Variants in KIF4A observed in about 807,000 individuals in gnomAD.
The protein encoded by KIF4A is kinesin family member 4A.
A neutral mutation model predicts 105.9 loss-of-function variants in KIF4A; 7 were observed. The observed-to-expected ratio is 0.07, with a 90% CI of 0.04 to 0.12. KIF4A has a LOEUF of 0.12. Ranked by LOEUF, KIF4A falls within the 10% of genes least tolerant of loss-of-function variation. The pLI is 1.00. For synonymous variants in KIF4A, 281 were observed against 331.3 expected, an observed-to-expected ratio of 0.85 and a Z score of 1.65; for missense variants, 558 against 929.2, an observed-to-expected ratio of 0.60 and a Z score of 5.19.
intron 29 of KIF4A, 111 bp downstream of exon 29, chrX:70,418,115 A>C: frequency 1.8e-6 from 1 of 549,608 alleles, no homozygotes; most frequent in Non-Finnish European, 3.0e-6. Flanking sequence ...AGCTCTTCCA[A>C]CCCTTCTCCT....
intron 20 of KIF4A, among the ~76,000 whole-genome samples, chrX:70,391,394 C>G (rs2086236953): frequency 9.0e-6 from 1 of 111,704 alleles, no homozygotes; most frequent in African/African-American, 3.3e-5. Context: ...TGCCCTATTG[C>G]ATTGGTGAGA....
chrX:70,410,987 TAGG>T (rs1464911126), intron 28 of KIF4A, among the ~76,000 whole-genome samples: 1 of 112,843 alleles, frequency 8.9e-6, no homozygotes, highest in Non-Finnish European at 1.9e-5. Context: ...TCTGAAAAGT[TAGG>T]AGGAATATAT....
At chrX:70,370,126 C>T (rs181172313) in intron 15 of KIF4A, among the ~76,000 whole-genome samples, 2 of 111,368 alleles carry the variant, frequency 1.8e-5, no homozygotes, top group Admixed American at 1.9e-4. Context: ...GTAGGCTATA[C>T]TATATAGATT....
intron 15 of KIF4A, among the ~76,000 whole-genome samples, chrX:70,372,040 A>G (rs1241920033): frequency 9.5e-6 from 1 of 105,603 alleles, no homozygotes; most frequent in Admixed American, 1.0e-4. Flanking sequence ...CACATCTCAG[A>G]CGATGGGCGG....
chrX:70,323,529 G>T (rs1264042553), intron 7 of KIF4A, among the ~76,000 whole-genome samples: 1 of 111,310 alleles, frequency 9.0e-6, no homozygotes, highest in Non-Finnish European at 1.9e-5. Context: ...TGAAACCTCT[G>T]CTCTTGGTCA....
chrX:70,330,404 G>C, intron 9 of KIF4A, 72 bp downstream of exon 9: 1 of 982,738 alleles, frequency 1.0e-6, no homozygotes. Context: ...TCTGTTTTCA[G>C]TTTCTTCTTT....
intron 29 of KIF4A, 55 bp downstream of exon 29, chrX:70,418,059 A>G (rs2086351665): frequency 9.8e-7 from 1 of 1,020,991 alleles, no homozygotes; most frequent in Non-Finnish European, 1.3e-6. Context: ...TCTAGTTTCC[A>G]CCCTCTTTTT....
chrX:70,372,526 G>A (rs750404139), intron 15 of KIF4A, among the ~76,000 whole-genome samples: 12 of 114,339 alleles, frequency 1.0e-4, no homozygotes, highest in African/African-American at 1.6e-4. Context: ...GCCTGCAATC[G>A]CAGGCACTAG....
At chrX:70,336,117 C>A (rs1366884377) in intron 10 of KIF4A, among the ~76,000 whole-genome samples, 1 of 111,296 alleles carries the variant, frequency 9.0e-6, no homozygotes, top group Non-Finnish European at 1.9e-5. Flanking sequence ...TGATTGTATA[C>A]TCTTTGTAGC....
intron 18 of KIF4A, among the ~76,000 whole-genome samples, chrX:70,377,793 G>A (rs756120092): frequency 6.3e-5 from 7 of 111,924 alleles, no homozygotes; most frequent in African/African-American, 1.3e-4. Context: ...AAAATTAGCC[G>A]GGCATGGTGG....
chrX:70,308,085 T>G (rs2085834458), intron 7 of KIF4A, among the ~76,000 whole-genome samples: 1 of 112,106 alleles, frequency 8.9e-6, no homozygotes, highest in East Asian at 2.8e-4. Context: ...TTCCTGAGCA[T>G]GTAGACAGCC....
At chrX:70,407,102 T>G (rs1228352777) in intron 28 of KIF4A, 27 bp downstream of exon 28, 1 of 1,162,820 alleles carries the variant, frequency 8.6e-7, no homozygotes, top group East Asian at 3.2e-5. Flanking sequence ...CAACTTTTTT[T>G]TTGTTTTGTT....
chrX:70,384,150 A>G (rs1308851164), intron 18 of KIF4A, among the ~76,000 whole-genome samples: 1 of 112,314 alleles, frequency 8.9e-6, no homozygotes, highest in East Asian at 2.8e-4. Context: ...TATATTCCAC[A>G]TTGACAAGGA....
At chrX:70,364,810 T>G (rs1248210842) in intron 15 of KIF4A, among the ~76,000 whole-genome samples, 1 of 111,938 alleles carries the variant, frequency 8.9e-6, no homozygotes, top group African/African-American at 3.2e-5. Flanking sequence ...GGGATGGCAT[T>G]GAATCTATAA....
At chrX:70,337,611 C>T (rs2085955672) in intron 10 of KIF4A, among the ~76,000 whole-genome samples, 1 of 111,185 alleles carries the variant, frequency 9.0e-6, no homozygotes, top group African/African-American at 3.3e-5. Context: ...GTTGAGGCTA[C>T]AGTGAGCTAT....
intron 11 of KIF4A, among the ~76,000 whole-genome samples, chrX:70,342,680 T>C (rs963673443): frequency 3.6e-5 from 4 of 112,667 alleles, no homozygotes; most frequent in African/African-American, 1.3e-4. Flanking sequence ...GCTTAAAGAT[T>C]TCTTTCAAGT....
intron 9 of KIF4A, 55 bp from the exon 10 acceptor site, chrX:70,333,573 G>C: frequency 3.5e-6 from 3 of 860,556 alleles, no homozygotes; most frequent in South Asian, 4.1e-5. Flanking sequence ...TACTGCCAAG[G>C]GTTAAGTAGC....
In KIF4A at chrX:70,405,849, C is replaced by T. The variant is rs759992616; in HGVS notation, c.2920C>T (p.Arg974Ter). Reference sequence around the variant, plus strand: ...ATAGGATGAAGAACTTGAGAAAATGCGAGAAGTGTGTGAGCAAAATCAGCA... The same window carrying T: ...ATAGGATGAAGAACTTGAGAAAATGTGAGAAGTGTGTGAGCAAAATCAGCA... ...KCQDEELEKM[R>*]EVCEQNQQLL... Residue 974 changes from arginine (R) to a stop codon, truncating the protein, a stop_gained, in exon 26 of 31, where the codon CGA becomes TGA. Transcript: ENST00000374403. LOFTEE classifies it high-confidence loss of function. 1 of 1,207,662 alleles carries T rather than the reference C, an allele frequency of 8.3e-7. No homozygotes were observed.
At position 70,404,947 on chromosome X, in the gene KIF4A, C is replaced by T. The variant is rs905432185; in HGVS notation, c.2898+125C>T. ...CTGGAAAAAGTATTTATAATGGTAGCCTCTACTGCTTTTAGGCCCTATTTG... is the reference window on the plus strand; with the variant it reads ...CTGGAAAAAGTATTTATAATGGTAGTCTCTACTGCTTTTAGGCCCTATTTG... On this transcript the variant is annotated intron_variant, in intron 25 of 30. Coordinates refer to ENST00000374403, the MANE Select transcript of KIF4A (RefSeq NM_012310.5). The T allele has an allele frequency of 2.0e-5, 9 of 457,213 alleles. No individual in the cohort carries two copies. In the Admixed American group the frequency reaches 2.3e-4, roughly 11 times the overall value. The allele number at this position is 457,213 out of a possible 1,213,427, so 37.7% of individuals were successfully genotyped here.
Sources: gnomAD v4.1 joint callset for allele counts (sites outside exome capture counted in the v4.1 genomes callset) on GRCh38, gnomAD v4.1.1 for gene constraint, MANE v1.5 for transcripts, NCBI Gene and HGNC (gene_info 2026-07-23, HGNC 2026-07-21) for gene names.